BPNT1: variants seen among roughly 807,000 people sequenced by gnomAD.
BPNT1 encodes the protein 3'(2'),5'-bisphosphate nucleotidase 1.
BPNT1 carries 28 observed loss-of-function variants against 36.9 expected under a neutral mutation model. That is an observed-to-expected ratio of 0.76 (90% confidence interval 0.56 to 1.04). The LOEUF (loss-of-function observed/expected upper bound fraction) is 1.04. Among genes scored for constraint, BPNT1 ranks in the 50% least tolerant of loss-of-function variants. The probability of loss-of-function intolerance (pLI) is 0.00; values close to 1 mark genes in which losing one functional copy is unlikely to be tolerated. For synonymous variants in BPNT1, 119 were observed against 130.9 expected (o/e 0.91, Z 0.62); for missense variants, 313 against 372.9 (o/e 0.84, Z 1.32).
rs538156332 is a variant in BPNT1, at chr1:220,074,105, A to C, written c.121-34T>G. The C allele has an allele frequency of 1.0e-5, 16 of 1,591,574 alleles. No individual in the cohort carries two copies. The South Asian group carries it at 1.7e-4, about 17-fold the overall frequency. The stretch of plus-strand genomic sequence containing the variant: ...AAGAATGCAAATTTTAGCAGAGCTA[A>C]TGAAAAATAAGTTGTCCTCTGATTC... On this transcript the variant is annotated intron_variant, in intron 2 of 8. Coordinates refer to ENST00000322067, the MANE Select transcript of BPNT1 (RefSeq NM_006085.6).
Position 220,061,424 on chromosome 1 carries a change from C to T in BPNT1, c.672+1333G>A, listed in dbSNP as rs1317218921. On this transcript the variant is annotated intron_variant, in intron 7 of 8. Coordinates refer to ENST00000322067, the MANE Select transcript of BPNT1 (RefSeq NM_006085.6). ...TGGCAGGCGCCTGTAATCCCAGCTA[C>T]TCAGGAAGCTGAGGCAGGAGAATCG... 4.6e-5 allele frequency among the ~76,000 whole-genome samples: 7 copies of T among 151,618 alleles called. No individual in the cohort carries two copies. In the South Asian group the frequency reaches 1.2e-3, roughly 27 times the overall value.
At position 220,059,699 on chromosome 1, in the gene BPNT1, T is replaced by TA. The variant is rs770493894; in HGVS notation, c.764dup (p.Leu255PhefsTer38). 5.6e-6 allele frequency: 9 copies of TA among 1,607,780 alleles called. No homozygotes were observed. The East Asian group carries it at 2.0e-4, about 36-fold the overall frequency. ...AAACAGACTAACCTCCCACAGCATG[T>TA]AAAATAACTTCTGGAGCACAAGTAT... is the stretch of plus-strand genomic sequence containing the variant. On this transcript the variant is annotated frameshift_variant, in exon 8 of 9. Transcript: ENST00000322067. LOFTEE classifies it high-confidence loss of function.
chr1:220,078,666 C>T (rs1664825892), intron 2 of BPNT1, among the ~76,000 whole-genome samples: 1 of 150,502 alleles, frequency 6.6e-6, no homozygotes, highest in Admixed American at 6.7e-5. Flanking sequence ...GGTGTGATCT[C>T]AGCTCACTGC....
At chr1:220,079,977 T>A in intron 1 of BPNT1, 123 bp from the exon 2 acceptor site, 1 of 959,360 alleles carries the variant, frequency 1.0e-6, no homozygotes, top group Non-Finnish European at 1.5e-6. Context: ...ATTAACTGAG[T>A]AAATTCTTTA....
chr1:220,081,025 C>T (rs560318340), intron 1 of BPNT1, among the ~76,000 whole-genome samples: 7 of 152,282 alleles, frequency 4.6e-5, no homozygotes, highest in South Asian at 2.1e-4. Flanking sequence ...ATTGCAGTGG[C>T]GCCATCTTGG....
At chr1:220,074,969 C>G (rs1664408774) in intron 2 of BPNT1, among the ~76,000 whole-genome samples, 1 of 149,642 alleles carries the variant, frequency 6.7e-6, no homozygotes, top group Admixed American at 6.7e-5. Context: ...GCTTTCAGAG[C>G]CTTATGATAT....
chr1:220,088,720 G>C (rs1329244763), intron 1 of BPNT1, among the ~76,000 whole-genome samples: 6 of 150,926 alleles, frequency 4.0e-5, no homozygotes, highest in Non-Finnish European at 8.8e-5. Flanking sequence ...ACCCTGGGAG[G>C]TCAAGGTTGC....
At chr1:220,065,179 G>A (rs540332777) in intron 6 of BPNT1, among the ~76,000 whole-genome samples, 3 of 152,238 alleles carry the variant, frequency 2.0e-5, no homozygotes, top group Admixed American at 6.5e-5. Context: ...CAGTGGACAC[G>A]AATATTTTGG....
intron 4 of BPNT1, 38 bp downstream of exon 4, chr1:220,072,812 C>T: frequency 6.5e-7 from 1 of 1,527,900 alleles, no homozygotes; most frequent in Non-Finnish European, 9.0e-7. Context: ...GCAAAAAGCC[C>T]AGGTTAATAG....
intron 6 of BPNT1, among the ~76,000 whole-genome samples, chr1:220,065,913 T>C (rs1045683636): frequency 1.3e-5 from 2 of 152,090 alleles, no homozygotes; most frequent in African/African-American, 4.8e-5. Context: ...ATAAACAGAG[T>C]GTCCAGAAGG....
At chr1:220,066,298 A>G (rs1146774) in intron 6 of BPNT1, among the ~76,000 whole-genome samples, 122,189 of 152,076 alleles carry the variant, frequency 0.8, 49,584 homozygotes, top group Non-Finnish European at 0.88. Context: ...CCACAAACTT[A>G]TGTCTGTATA....
At chr1:220,059,100 A>C (rs1450588188) in intron 8 of BPNT1, 108 bp from the exon 9 acceptor site, 1 of 1,079,864 alleles carries the variant, frequency 9.3e-7, no homozygotes, top group South Asian at 1.5e-5. Context: ...TAGCCAATAA[A>C]TTCTGGATGA....
At chr1:220,078,361 A>C (rs1664753276) in intron 2 of BPNT1, among the ~76,000 whole-genome samples, 1 of 144,494 alleles carries the variant, frequency 6.9e-6, no homozygotes, top group Admixed American at 7.2e-5. Context: ...TATAATAACA[A>C]ATATAACTAT....
At chr1:220,075,297 C>T (rs1664447532) in intron 2 of BPNT1, among the ~76,000 whole-genome samples, 1 of 152,196 alleles carries the variant, frequency 6.6e-6, no homozygotes, top group African/African-American at 2.4e-5. Flanking sequence ...CCACCTCGGG[C>T]TCCCAAAGTG....
intron 8 of BPNT1, 144 bp from the exon 9 acceptor site, chr1:220,059,136 G>A: frequency 4.9e-6 from 3 of 612,824 alleles, no homozygotes; most frequent in Non-Finnish European, 7.7e-6. Context: ...TAAAGGTTAA[G>A]TTTTAATTCA....
At chr1:220,082,085 T>TATAGAGAGAGAGAGAGAGAG (rs1171093697) in intron 1 of BPNT1, among the ~76,000 whole-genome samples, 1 of 103,296 alleles carries the variant, frequency 9.7e-6, no homozygotes, top group African/African-American at 3.8e-5. Context: ...TATATATATA[T>TATAGAGAGAGAGAGAGAGAG]AGAGAGAGAG....
intron 8 of BPNT1, among the ~76,000 whole-genome samples, chr1:220,059,249 T>A (rs1286707740): frequency 7.8e-6 from 1 of 128,828 alleles, no homozygotes; most frequent in Non-Finnish European, 1.7e-5. Context: ...TTTTCTTTTT[T>A]TTTTTTTTTT....
At chr1:220,059,517 GCTCTCTCATCCATCTAT>G in intron 8 of BPNT1, among the ~76,000 whole-genome samples, 152 bp downstream of exon 8, 1 of 152,106 alleles carries the variant, frequency 6.6e-6, no homozygotes, top group South Asian at 2.1e-4. Context: ...CTGAAAATCT[GCTCTCTCATCCATCTAT>G]CATATGAGGG....
rs1395278982 is a variant in BPNT1, at chr1:220,057,940, G to T, written c.*904C>A. 11 of 1,024,608 alleles carry T rather than the reference G, an allele frequency of 1.1e-5. No homozygotes were observed. The highest frequency in any genetic ancestry group is 1.5e-5 in the Non-Finnish European group (11 of 747,762). 63.5% of individuals were successfully genotyped at this position (1,024,608 alleles called of 1,614,324 possible). A position where few individuals can be genotyped will look rare whatever the true frequency, so the allele number is the denominator to read the frequency against. On this transcript the variant is annotated 3_prime_UTR_variant, in exon 9 of 9. Coordinates refer to ENST00000322067, the MANE Select transcript of BPNT1 (RefSeq NM_006085.6). ...CACCTGTAATCCCAGCACTTTGGGA[G>T]TCCGAGGCAGACAGATCACGATGTC... is the stretch of plus-strand genomic sequence containing the variant.
Sources: gnomAD v4.1 joint callset for allele counts (sites outside exome capture counted in the v4.1 genomes callset) on GRCh38, gnomAD v4.1.1 for gene constraint, MANE v1.5 for transcripts, NCBI Gene and HGNC (gene_info 2026-07-23, HGNC 2026-07-21) for gene names.